PLEKHG3: variants seen among roughly 807,000 people sequenced by gnomAD.
The protein encoded by PLEKHG3 is pleckstrin homology and RhoGEF domain containing G3, also known as pleckstrin homology domain-containing family G member 3.
Under a neutral mutation model 94.9 loss-of-function variants are expected in PLEKHG3, and 62 were observed. That is an observed-to-expected ratio of 0.65 (90% CI 0.53 to 0.81). The LOEUF (loss-of-function observed/expected upper bound fraction) is 0.81, where lower values mean the gene tolerates loss of function less well. Ranked by LOEUF, PLEKHG3 falls within the 30% of genes least tolerant of loss-of-function variation. PLEKHG3 has a pLI of 0.00. For synonymous variants in PLEKHG3, 614 were observed against 654.0 expected (o/e 0.94, Z 0.93); for missense variants, 1,461 against 1,619.3 (o/e 0.90, Z 1.68).
rs750923764 is a variant in PLEKHG3 at position 64,738,808 on chromosome 14, A to G, written c.1471A>G (p.Ser491Gly). Residue 491 changes from serine (S) to glycine (G), a missense_variant, in exon 15 of 17, where the codon AGT becomes GGT. Physicochemically the swap from Ser to Gly is moderately conservative, Grantham distance 56. This residue lies in a region of PLEKHG3 where 1,201 missense variants were observed against 1,295.5 expected (regional missense o/e 0.93). Transcript: ENST00000247226. This position sits in a 1 kb window ranked among gnomAD's most constrained non-coding sequence, Gnocchi z 4.8. ...SRRPSGRSPT[S>G]TEKRMSFESI... ...AAGGCCCAGTGGCCGGTCTCCAACC[A>G]GTACTGAGAAGCGCATGAGCTTCGA... The G allele has an allele frequency of 2.5e-6, 4 of 1,599,794 alleles. No individual in the cohort carries two copies. Among genetic ancestry groups the G allele is most frequent in the Admixed American group, 3.4e-5 (2 of 58,548 alleles).
At chr14:64,740,745 T>C (rs1259583101) in intron 15 of PLEKHG3, among the ~76,000 whole-genome samples, 3 of 152,248 alleles carry the variant, frequency 2.0e-5, no homozygotes, top group South Asian at 2.1e-4. Flanking sequence ...CTGTAGCTCC[T>C]AGGCTGGCTG....
chr14:64,748,963 G>A lies in PLEKHG3; in HGVS notation c.*5260G>A, dbSNP rs1296103085. On this transcript the variant is annotated 3_prime_UTR_variant, in exon 17 of 17. Transcript: ENST00000247226. ...TTTTTTTTTTTTTTTTTGGTTGGGG[G>A]TAAGGGGCCTGTGCCCCCTCGGCTC... 26 of 209,474 alleles carry A rather than the reference G, an allele frequency of 1.2e-4. No homozygotes were observed. In the Admixed American group the frequency reaches 1.2e-3, roughly 10 times the overall value. 13.0% of individuals were successfully genotyped at this position (209,474 alleles called of 1,614,324 possible).
Position 64,743,765 on chromosome 14 carries a change from C to T in PLEKHG3, c.*62C>T, listed in dbSNP as rs1248980253. On this transcript the variant is annotated 3_prime_UTR_variant, in exon 17 of 17. Coordinates refer to ENST00000247226, the MANE Select transcript of PLEKHG3 (RefSeq NM_001308147.2). This position sits in a 1 kb window ranked among gnomAD's most constrained non-coding sequence, Gnocchi z 7.2. ...GTTGGGGAAGAACCTGGGCATCCTT[C>T]CCCTCAAGCCTGGGCTCATGGAGCC... The T allele has an allele frequency of 2.8e-5, 42 of 1,483,378 alleles. No individual in the cohort carries two copies. Among genetic ancestry groups the T allele is most frequent in the Non-Finnish European group, 3.6e-5 (40 of 1,120,928 alleles). 91.9% of individuals were successfully genotyped at this position (1,483,378 alleles called of 1,614,324 possible).
In PLEKHG3 at chr14:64,747,689, A is replaced by G. The variant is rs1358447085; in HGVS notation, c.*3986A>G. ...TGTGGCTTCTACCTGAACCTCACCC[A>G]CTTCATCTCCATGGAACTAAGGTCC... is the stretch of plus-strand genomic sequence containing the variant. On this transcript the variant is annotated 3_prime_UTR_variant, in exon 17 of 17. Coordinates refer to ENST00000247226, the MANE Select transcript of PLEKHG3 (RefSeq NM_001308147.2). 2 of 152,062 alleles carry G rather than the reference A, an allele frequency of 1.3e-5. No individual in the cohort carries two copies. Among genetic ancestry groups the G allele is most frequent in the Non-Finnish European group, 2.9e-5 (2 of 68,024 alleles). The allele number at this position is 152,062 out of a possible 1,614,324, so 9.4% of individuals were successfully genotyped here.
At position 64,728,794 on chromosome 14, in the gene PLEKHG3, A is replaced by T. The variant is rs1461556623; in HGVS notation, c.352-202A>T. On this transcript the variant is annotated intron_variant, in intron 2 of 16. Transcript: ENST00000247226. The surrounding 1 kb of genome is among the most constrained non-coding windows in gnomAD (Gnocchi z 5.9). ...GAAGTCATCTTGAGATCCTTAACTAATGGCATCCACAAAGACCTTATTTCC... is the reference window on the plus strand; with the variant it reads ...GAAGTCATCTTGAGATCCTTAACTATTGGCATCCACAAAGACCTTATTTCC... Among the ~76,000 whole-genome samples, 1 of 152,086 alleles carries T rather than the reference A, an allele frequency of 6.6e-6. No homozygotes were observed.
At chr14:64,712,299 G>T (rs1483773904) in intron 1 of PLEKHG3, among the ~76,000 whole-genome samples, 2 of 152,056 alleles carry the variant, frequency 1.3e-5, no homozygotes, top group East Asian at 1.9e-4. Context: ...GTTGTTTTGG[G>T]TATTCTGGGT....
rs2081246961 is a variant in PLEKHG3, at chr14:64,720,638, G to C, written c.-39-6955G>C. 6.6e-6 allele frequency among the ~76,000 whole-genome samples: 1 copy of C among 152,204 alleles called. No individual in the cohort carries two copies. Among genetic ancestry groups the C allele is most frequent in the Admixed American group, 6.5e-5 (1 of 15,282 alleles). Reference sequence around the variant, plus strand: ...AAGCCCCAAGACCAATGCTTTAAGTGATAGGGTGTTTCGAGTTCAGAGGAG... The same window carrying C: ...AAGCCCCAAGACCAATGCTTTAAGTCATAGGGTGTTTCGAGTTCAGAGGAG... On this transcript the variant is annotated intron_variant, in intron 1 of 16. Coordinates refer to ENST00000247226, the MANE Select transcript of PLEKHG3 (RefSeq NM_001308147.2). This position sits in a 1 kb window ranked among gnomAD's most constrained non-coding sequence, Gnocchi z 4.1.
chr14:64,711,223 G>A (rs1308715079), intron 1 of PLEKHG3, among the ~76,000 whole-genome samples: 1 of 152,080 alleles, frequency 6.6e-6, no homozygotes, highest in Non-Finnish European at 1.5e-5. Context: ...ACCCCACACT[G>A]TTTTGAAACT....
intron 1 of PLEKHG3, among the ~76,000 whole-genome samples, chr14:64,710,399 G>C (rs2081049676): frequency 6.6e-6 from 1 of 152,196 alleles, no homozygotes; most frequent in Non-Finnish European, 1.5e-5. Context: ...GCCGGGCGCA[G>C]TGGCTCATGC....
rs2081262037 is a variant in PLEKHG3, at chr14:64,721,532, A to G, written c.-39-6061A>G. Among the ~76,000 whole-genome samples, 1 of 152,192 alleles carries G rather than the reference A, an allele frequency of 6.6e-6. No homozygotes were observed. The highest frequency in any genetic ancestry group is 2.1e-4 in the South Asian group (1 of 4,832). On this transcript the variant is annotated intron_variant, in intron 1 of 16. Transcript: ENST00000247226. The surrounding 1 kb of genome is among the most constrained non-coding windows in gnomAD (Gnocchi z 4.3). ...CTGCTCTTAGGTGGTGGGAAAATGCATTCCTGAGGGAAAATGAATTTGAAC... is the reference window on the plus strand; with the variant it reads ...CTGCTCTTAGGTGGTGGGAAAATGCGTTCCTGAGGGAAAATGAATTTGAAC...
chr14:64,717,594 C>G lies in PLEKHG3; in HGVS notation c.-39-9999C>G, dbSNP rs969628536. ...GTTTTCTAGGGTAGGTGTTCTCTTC[C>G]TGCTCCTAGAGGCAGTTAATTTAAA... is the stretch of plus-strand genomic sequence containing the variant. On this transcript the variant is annotated intron_variant, in intron 1 of 16. Transcript: ENST00000247226. This position sits in a 1 kb window ranked among gnomAD's most constrained non-coding sequence, Gnocchi z 4.7. Among the ~76,000 whole-genome samples, 1 of 152,208 alleles carries G rather than the reference C, an allele frequency of 6.6e-6. No individual in the cohort carries two copies. Among genetic ancestry groups the G allele is most frequent in the Non-Finnish European group, 1.5e-5 (1 of 68,032 alleles).
In PLEKHG3 at chr14:64,727,901, G is replaced by A; in HGVS notation, c.270G>A (p.Lys90=). The change falls in exon 2 of 17, where the codon AAG becomes AAA. Residue 90 remains lysine, a synonymous_variant. Transcript: ENST00000247226. The surrounding 1 kb of genome is among the most constrained non-coding windows in gnomAD (Gnocchi z 6.0). ...SRAAAGPAHH[K]LSYLGRVVRE... is the part of the protein sequence containing the mutation. ...CAGCGGCAGGGCCTGCACACCACAA[G>A]CTCAGCTACCTGGGCCGAGTGGTGC... 6.2e-7 allele frequency: 1 copy of A among 1,612,758 alleles called. No individual in the cohort carries two copies.
rs1446531499 is a variant in PLEKHG3, at chr14:64,717,503, C to A, written c.-39-10090C>A. On this transcript the variant is annotated intron_variant, in intron 1 of 16. Transcript: ENST00000247226. The surrounding 1 kb of genome is among the most constrained non-coding windows in gnomAD (Gnocchi z 4.7). ...GATGCACACAAACTCCTCCCCCAGCCCAGTTGAGAGCTGCTGGCCTGAAAT... is the reference window on the plus strand; with the variant it reads ...GATGCACACAAACTCCTCCCCCAGCACAGTTGAGAGCTGCTGGCCTGAAAT... Among the ~76,000 whole-genome samples the A allele has an allele frequency of 6.6e-6, 1 of 152,150 alleles. No homozygotes were observed. Among genetic ancestry groups the A allele is most frequent in the Non-Finnish European group, 1.5e-5 (1 of 68,026 alleles).
At chr14:64,734,231 G>T (rs1250092830) in intron 12 of PLEKHG3, among the ~76,000 whole-genome samples, 2 of 152,196 alleles carry the variant, frequency 1.3e-5, no homozygotes, top group Non-Finnish European at 2.9e-5. Flanking sequence ...ATAGTTAAAA[G>T]CTCCAAATAG....
Position 64,721,511 on chromosome 14 carries a change from T to C in PLEKHG3, c.-39-6082T>C, listed in dbSNP as rs1349282616. Among the ~76,000 whole-genome samples, 1 of 152,124 alleles carries C rather than the reference T, an allele frequency of 6.6e-6. No individual in the cohort carries two copies. Among genetic ancestry groups the C allele is most frequent in the Admixed American group, 6.5e-5 (1 of 15,274 alleles). On this transcript the variant is annotated intron_variant, in intron 1 of 16. Transcript: ENST00000247226. The surrounding 1 kb of genome is among the most constrained non-coding windows in gnomAD (Gnocchi z 4.3). Reference sequence around the variant, plus strand: ...AGCCAGACTACATGGGCCCTGCTGCTCTTAGGTGGTGGGAAAATGCATTCC... The same window carrying C: ...AGCCAGACTACATGGGCCCTGCTGCCCTTAGGTGGTGGGAAAATGCATTCC...
chr14:64,737,810 A>C, intron 14 of PLEKHG3: 1 of 973,080 alleles, frequency 1.0e-6, no homozygotes, highest in Non-Finnish European at 1.3e-6. Context: ...CTGCAGGAGG[A>C]CGGGAGGTTG....
Position 64,740,502 on chromosome 14 carries a change from G to A in PLEKHG3, c.1519-534G>A, listed in dbSNP as rs2081664619. ...TGACGAGATTCCAGCATGTGGCTGT[G>A]TTGCTCTCTAGACCCTAATCCACAT... On this transcript the variant is annotated intron_variant, in intron 15 of 16. Transcript: ENST00000247226. 2.0e-5 allele frequency among the ~76,000 whole-genome samples: 3 copies of A among 152,254 alleles called. No individual in the cohort carries two copies. In the South Asian group the frequency reaches 6.2e-4, roughly 32 times the overall value.
Position 64,741,192 on chromosome 14 carries a change from G to T in PLEKHG3, c.1675G>T (p.Asp559Tyr). The T allele has an allele frequency of 6.2e-7, 1 of 1,614,114 alleles. No homozygotes were observed. The highest frequency in any genetic ancestry group is 8.5e-7 in the Non-Finnish European group (1 of 1,180,008). Residue 559 changes from aspartate to tyrosine, a missense_variant, in exon 16 of 17, where the codon GAC becomes TAC. Around this residue, in one of 3 missense-constraint regions of PLEKHG3, gnomAD observed 1,201 missense variants for 1,295.5 expected, o/e 0.93. Transcript: ENST00000247226. Reference sequence around the variant, plus strand: ...CCTTCTGGGGATGGACCCCCCAGGTGACATGGTGGACTTCGTGGCAGCTGA... The same window carrying T: ...CCTTCTGGGGATGGACCCCCCAGGTTACATGGTGGACTTCGTGGCAGCTGA... ...QGLLGMDPPG[D>Y]MVDFVAAEST...
intron 1 of PLEKHG3, among the ~76,000 whole-genome samples, chr14:64,706,856 G>T (rs1345776262): frequency 6.6e-6 from 1 of 152,252 alleles, no homozygotes; most frequent in Non-Finnish European, 1.5e-5. Context: ...CCAGAACCTT[G>T]TGAAGGCTCC....
Sources: gnomAD v4.1 joint callset for allele counts (sites outside exome capture counted in the v4.1 genomes callset) on GRCh38, gnomAD v4.1.1 for gene constraint, gnomAD v4.1.1 regional missense constraint, Gnocchi (gnomAD v3.1) non-coding constraint, MANE v1.5 for transcripts, NCBI Gene and HGNC (gene_info 2026-07-23, HGNC 2026-07-21) for gene names.